CCDC171: variants seen among roughly 807,000 people sequenced by gnomAD.
The protein encoded by CCDC171 is coiled-coil domain-containing protein 171.
A neutral mutation model predicts 168.2 loss-of-function variants in CCDC171; 177 were observed. The ratio of observed to expected loss-of-function variants is 1.05; its 90% CI spans 0.93 to 1.19. CCDC171 has a LOEUF of 1.19. CCDC171 is among the 50% of genes most tolerant of loss of function. The pLI is 0.00. For synonymous variants in CCDC171, 687 were observed against 540.8 expected, an observed-to-expected ratio of 1.27 and a Z score of -3.75; for missense variants, 1,991 against 1,539.0, an observed-to-expected ratio of 1.29 and a Z score of -4.91.
chr9:15,737,658 C>A (rs771568114), intron 16 of CCDC171, among the ~76,000 whole-genome samples: 3 of 152,136 alleles, frequency 2.0e-5, no homozygotes, highest in Non-Finnish European at 4.4e-5. Flanking sequence ...TTATAATTTA[C>A]AGTGCTTTAG....
intron 20 of CCDC171, among the ~76,000 whole-genome samples, chr9:15,782,290 T>C (rs1453434470): frequency 6.6e-6 from 1 of 152,254 alleles, no homozygotes; most frequent in East Asian, 1.9e-4. Context: ...AGTCGTTCTT[T>C]AACAGCTAAC....
At chr9:16,045,836 A>G (rs1403358504) in intron 1 of CCDC171, among the ~76,000 whole-genome samples, 3 of 152,194 alleles carry the variant, frequency 2.0e-5, no homozygotes, top group Admixed American at 6.5e-5. Flanking sequence ...GTGATCTCTC[A>G]TCCTTCACCC....
chr9:15,713,480 T>C (rs929595055), intron 11 of CCDC171, among the ~76,000 whole-genome samples: 1 of 152,194 alleles, frequency 6.6e-6, no homozygotes, highest in African/African-American at 2.4e-5. Context: ...GCCACTTTCA[T>C]TTGATGATAG....
chr9:15,862,551 T>C (rs557822125), intron 23 of CCDC171, among the ~76,000 whole-genome samples: 28 of 152,158 alleles, frequency 1.8e-4, no homozygotes, highest in Admixed American at 9.2e-4. Flanking sequence ...CAGAGTTTTA[T>C]CTTGTTCCTT....
intron 23 of CCDC171, among the ~76,000 whole-genome samples, chr9:15,866,422 G>C (rs1189194688): frequency 6.6e-6 from 1 of 151,948 alleles, no homozygotes; most frequent in Non-Finnish European, 1.5e-5. Context: ...GGAAGGATGT[G>C]AAACTTATTC....
intron 3 of CCDC171, among the ~76,000 whole-genome samples, chr9:15,574,147 C>T (rs935367643): frequency 1.4e-5 from 2 of 145,014 alleles, no homozygotes; most frequent in East Asian, 4.0e-4. Flanking sequence ...TTCTCTTTTT[C>T]TTTTTTTTTT....
At chr9:15,976,040 G>A (rs1831610270), downstream of CCDC171, among the ~76,000 whole-genome samples, 1 of 152,066 alleles carries the variant, frequency 6.6e-6, no homozygotes, top group Admixed American at 6.6e-5. Flanking sequence ...TGTGAAGATG[G>A]AGGCAGAGTC....
rs142249022 is a variant in CCDC171, at chr9:15,744,467, G to T, written c.2244G>T (p.Leu748Phe). The T allele has an allele frequency of 1.2e-6, 2 of 1,613,838 alleles. No individual in the cohort carries two copies. Among genetic ancestry groups the T allele is most frequent in the East Asian group, 2.2e-5 (1 of 44,868 alleles). ...LYPLYSRSCA[L>F]STQRDFLQEQ... ...CCCTCTATAGCCGATCATGCGCCTTGTCTACACAGAGAGATTTTCTCCAGG... is the reference window on the plus strand; with the variant it reads ...CCCTCTATAGCCGATCATGCGCCTTTTCTACACAGAGAGATTTTCTCCAGG... Residue 748 changes from leucine (L) to phenylalanine (F), a missense_variant, in exon 17 of 26, where the codon TTG becomes TTT. Transcript: ENST00000380701.
intron 3 of CCDC171, among the ~76,000 whole-genome samples, chr9:15,998,028 T>A (rs1007054481): frequency 1.3e-5 from 2 of 152,168 alleles, no homozygotes; most frequent in Non-Finnish European, 2.9e-5. Context: ...CATAGGATCC[T>A]TATCATGTCT....
intron 3 of CCDC171, among the ~76,000 whole-genome samples, chr9:15,575,157 CTTTTTTTTTTTTTTT>C (rs57272096): frequency 3.7e-4 from 32 of 86,912 alleles, no homozygotes; most frequent in African/African-American, 1.2e-3. Context: ...GACATAACTA[CTTTTTTTTTTTTTTT>C]TTTTTTTTTT....
intron 18 of CCDC171, among the ~76,000 whole-genome samples, chr9:15,768,510 G>A (rs573390853): frequency 3.4e-4 from 52 of 152,182 alleles, no homozygotes; most frequent in African/African-American, 1.2e-3. Flanking sequence ...CTGTCTCCCA[G>A]CCTTCCTTCA....
intron 18 of CCDC171, among the ~76,000 whole-genome samples, chr9:15,746,000 G>C (rs539931409): frequency 4.6e-5 from 7 of 152,142 alleles, no homozygotes; most frequent in African/African-American, 1.7e-4. Flanking sequence ...TGAGTAATAT[G>C]AGAGCCAGTA....
rs557649748 is a variant in CCDC171, at chr9:15,800,899, CT to C, written c.3267+16208del. On this transcript the variant is annotated intron_variant, in intron 21 of 25. Coordinates refer to ENST00000380701, the MANE Select transcript of CCDC171 (RefSeq NM_173550.4). Reference sequence around the variant, plus strand: ...TTTCCCAAGTTTATGTTCTTAGCACCTTTGTCAAAAATGAATTCACTGTAGG... The same window carrying C: ...TTTCCCAAGTTTATGTTCTTAGCACCTTGTCAAAAATGAATTCACTGTAGG... 1.4e-3 allele frequency among the ~76,000 whole-genome samples: 206 copies of C among 152,110 alleles called. 2 individuals carry two copies. The highest frequency in any genetic ancestry group is 4.8e-3 in the African/African-American group (201 of 41,522).
At chr9:15,578,142 A>G (rs1402163147) in intron 3 of CCDC171, among the ~76,000 whole-genome samples, 1 of 152,174 alleles carries the variant, frequency 6.6e-6, no homozygotes, top group Non-Finnish European at 1.5e-5. Context: ...CATTTAGGGA[A>G]TAGAAGGAGG....
the CCDC171 span, among the ~76,000 whole-genome samples, chr9:16,091,240 A>C: frequency 5.9e-5 from 9 of 152,232 alleles, no homozygotes. Context: ...GATAGTGCAC[A>C]GGAAGAGATA....
intron 21 of CCDC171, among the ~76,000 whole-genome samples, chr9:15,797,125 T>G (rs867526809): frequency 6.6e-6 from 1 of 152,234 alleles, no homozygotes; most frequent in African/African-American, 2.4e-5. Context: ...TGCATTTACC[T>G]GATGATTAAT....
intron 3 of CCDC171, among the ~76,000 whole-genome samples, chr9:15,991,714 C>G (rs1832206505): frequency 6.6e-6 from 1 of 151,986 alleles, no homozygotes; most frequent in South Asian, 2.1e-4. Context: ...AGAGAAGAAT[C>G]AAATAGATGC....
At chr9:15,628,002 G>T (rs2045315036) in intron 7 of CCDC171, among the ~76,000 whole-genome samples, 1 of 152,170 alleles carries the variant, frequency 6.6e-6, no homozygotes, top group East Asian at 1.9e-4. Flanking sequence ...AAGCCGTATT[G>T]TGTAGGGTGA....
chr9:15,943,120 G>A (rs975956645), intron 25 of CCDC171, among the ~76,000 whole-genome samples: 1 of 151,882 alleles, frequency 6.6e-6, no homozygotes, highest in African/African-American at 2.4e-5. Flanking sequence ...ACATAAGAAT[G>A]GTTCTATATT....
Sources: allele counts gnomAD v4.1 joint callset (sites outside exome capture counted in the v4.1 genomes callset), GRCh38; gene constraint gnomAD v4.1.1; transcripts MANE v1.5; gene names NCBI Gene and HGNC (gene_info 2026-07-23, HGNC 2026-07-21).